ACSL5: variants seen among roughly 807,000 people sequenced by gnomAD.
The protein encoded by ACSL5 is long-chain-fatty-acid--CoA ligase 5.
A neutral mutation model predicts 84.9 loss-of-function variants in ACSL5; 50 were observed. The ratio of observed to expected loss-of-function variants is 0.59; its 90% CI spans 0.47 to 0.75. The LOEUF (loss-of-function observed/expected upper bound fraction) is 0.75. Among genes scored for constraint, ACSL5 ranks in the 30% least tolerant of loss-of-function variants. The pLI, the probability that ACSL5 is intolerant of heterozygous loss-of-function variation, is 0.00. For synonymous variants in ACSL5, 280 were observed against 300.7 expected, an observed-to-expected ratio of 0.93 and a Z score of 0.71; for missense variants, 775 against 830.4, an observed-to-expected ratio of 0.93 and a Z score of 0.82.
intron 1 of ACSL5, among the ~76,000 whole-genome samples, chr10:112,382,837 A>C (rs973256937): frequency 7.9e-5 from 12 of 152,206 alleles, no homozygotes; most frequent in Admixed American, 6.5e-4. Flanking sequence ...ATCTTTTAAA[A>C]AATTACGTAA....
intron 1 of ACSL5, among the ~76,000 whole-genome samples, chr10:112,390,090 AT>A (rs1849526739): frequency 8.7e-6 from 1 of 114,410 alleles, no homozygotes; most frequent in South Asian, 3.2e-4. Flanking sequence ...TTGTAAAAAA[AT>A]AAAAATAAAA....
chr10:112,391,278 G>C (rs955120498), intron 1 of ACSL5, among the ~76,000 whole-genome samples: 3 of 151,750 alleles, frequency 2.0e-5, no homozygotes, highest in Admixed American at 2.0e-4. Flanking sequence ...GCTGAGACAG[G>C]AGAATCGCCT....
At chr10:112,391,896 T>C (rs1843649798) in intron 1 of ACSL5, among the ~76,000 whole-genome samples, 1 of 152,162 alleles carries the variant, frequency 6.6e-6, no homozygotes, top group Admixed American at 6.6e-5. Flanking sequence ...CCATAGATTC[T>C]CTGTCCCTTT....
intron 1 of ACSL5, among the ~76,000 whole-genome samples, chr10:112,387,861 A>G (rs1364104821): frequency 1.3e-5 from 2 of 151,816 alleles, no homozygotes; most frequent in African/African-American, 4.8e-5. Flanking sequence ...ATTGCAATTT[A>G]TGTCTTATTA....
intron 1 of ACSL5, chr10:112,375,120 C>T (rs1190974871): frequency 3.9e-5 from 6 of 152,186 alleles, no homozygotes; most frequent in Non-Finnish European, 5.9e-5. Flanking sequence ...AGACAGCACC[C>T]GGTGAAGGGC....
chr10:112,421,386 C>A (rs1844461022), intron 14 of ACSL5, among the ~76,000 whole-genome samples: 1 of 152,084 alleles, frequency 6.6e-6, no homozygotes, highest in South Asian at 2.1e-4. Flanking sequence ...GTCTCAAACT[C>A]CTGATCTCAG....
intron 1 of ACSL5, among the ~76,000 whole-genome samples, chr10:112,388,169 G>T (rs543254375): frequency 1.3e-5 from 2 of 152,178 alleles, no homozygotes; most frequent in Admixed American, 6.5e-5. Context: ...CGAACTCCTG[G>T]CCTCAAGTGA....
Position 112,395,094 on chromosome 10 carries a change from G to C in ACSL5, c.148G>C (p.Gly50Arg). ...TCTTGACCTGAACAATCAGTCTGTG[G>C]GAATTGAGGTAATTTACCAGTCATC... ...PLLDLNNQSV[G>R]IEGGARKGVS... The change falls in exon 2 of 21, where the codon GGA (glycine) becomes CGA (arginine). Residue 50 changes from glycine (G) to arginine (R), a missense_variant. Physicochemically the swap from Gly to Arg is moderately radical, Grantham distance 125. Coordinates refer to ENST00000354655, the MANE Select transcript of ACSL5 (RefSeq NM_203379.2). The C allele has an allele frequency of 6.2e-7, 1 of 1,611,914 alleles. No homozygotes were observed. The highest frequency in any genetic ancestry group is 8.5e-7 in the Non-Finnish European group (1 of 1,178,468).
intron 10 of ACSL5, 90 bp downstream of exon 10, chr10:112,411,619 C>A: frequency 2.9e-6 from 3 of 1,046,472 alleles, no homozygotes; most frequent in Non-Finnish European, 4.3e-6. Context: ...CAGACACACA[C>A]ACACACATAC....
chr10:112,426,957 G>C, intron 20 of ACSL5, 98 bp downstream of exon 20: 1 of 1,139,318 alleles, frequency 8.8e-7, no homozygotes, highest in Non-Finnish European at 1.3e-6. Context: ...CTAAGGAATT[G>C]ATTTTAGATT....
chr10:112,412,245 A>G (rs1844195048), intron 11 of ACSL5: 1 of 408,084 alleles, frequency 2.5e-6, no homozygotes, highest in Admixed American at 3.9e-5. Flanking sequence ...CATCACAGCT[A>G]GGAGCTTACT....
At chr10:112,427,163 T>G in intron 20 of ACSL5, 55 bp from the exon 21 acceptor site, 1 of 1,557,044 alleles carries the variant, frequency 6.4e-7, no homozygotes, top group Non-Finnish European at 8.7e-7. Flanking sequence ...CAGGGGGCTC[T>G]GCAGAGAAGT....
intron 1 of ACSL5, among the ~76,000 whole-genome samples, chr10:112,388,267 T>C (rs1403241895): frequency 6.6e-6 from 1 of 152,164 alleles, no homozygotes. Flanking sequence ...TGGCTGGACT[T>C]TCTACCTACT....
intron 1 of ACSL5, among the ~76,000 whole-genome samples, chr10:112,388,214 A>G (rs1202422581): frequency 2.0e-5 from 3 of 152,168 alleles, no homozygotes; most frequent in East Asian, 3.9e-4. Context: ...TGCTGGGATT[A>G]CAGGCGTGAG....
intron 13 of ACSL5, 67 bp downstream of exon 13, chr10:112,417,089 T>A (rs1844331862): frequency 6.4e-7 from 1 of 1,556,110 alleles, no homozygotes. Context: ...CCTTAGACCT[T>A]GCTTTTCCTC....
chr10:112,414,443 C>T (rs1253483035), intron 12 of ACSL5, among the ~76,000 whole-genome samples: 1 of 151,092 alleles, frequency 6.6e-6, no homozygotes, highest in Non-Finnish European at 1.5e-5. Flanking sequence ...GCAACCTCCG[C>T]CTCCTGGGTT....
chr10:112,426,291 G>T lies in ACSL5; in HGVS notation c.1771G>T (p.Asp591Tyr). 6.2e-7 allele frequency: 1 copy of T among 1,614,154 alleles called. No individual in the cohort carries two copies. Among genetic ancestry groups the T allele is most frequent in the Non-Finnish European group, 8.5e-7 (1 of 1,180,014 alleles). The change falls in exon 19 of 21, where the codon GAT (aspartate) becomes TAT (tyrosine). Residue 591 changes from aspartate to tyrosine, a missense_variant. Physicochemically the swap from Asp to Tyr is radical, Grantham distance 160. Coordinates refer to ENST00000354655, the MANE Select transcript of ACSL5 (RefSeq NM_203379.2). ...AGTAGGAGTGGTGGTTCCTGACACA[G>T]ATGTACTTCCCTCATTTGCAGCCAA... is the stretch of plus-strand genomic sequence containing the variant. Reference protein sequence around the residue: ...SLVGVVVPDTDVLPSFAAKLG... With the variant: ...SLVGVVVPDTYVLPSFAAKLG...
At chr10:112,375,477 C>T (rs1849218450) in intron 1 of ACSL5, 1 of 152,264 alleles carries the variant, frequency 6.6e-6, no homozygotes, top group African/African-American at 2.4e-5. Context: ...GAGCCAGGAT[C>T]ATGCTGAACT....
chr10:112,413,109 C>T, intron 11 of ACSL5, 64 bp from the exon 12 acceptor site: 1 of 1,579,416 alleles, frequency 6.3e-7, no homozygotes, highest in Non-Finnish European at 8.6e-7. Flanking sequence ...GAATTCCTTC[C>T]AAGACAGGTC....
Sources: gnomAD v4.1 joint callset for allele counts (sites outside exome capture counted in the v4.1 genomes callset) on GRCh38, gnomAD v4.1.1 for gene constraint, MANE v1.5 for transcripts, NCBI Gene and HGNC (gene_info 2026-07-23, HGNC 2026-07-21) for gene names.